The following ROBO2 variants were observed in gnomAD, a reference collection of about 807,000 sequenced individuals.
The protein encoded by ROBO2 is roundabout homolog 2.
In ROBO2, 53 loss-of-function variants were observed where a neutral mutation model predicts 160.8. The ratio of observed to expected loss-of-function variants is 0.33; its 90% CI spans 0.26 to 0.41. ROBO2 has a LOEUF of 0.41. Among genes scored for constraint, ROBO2 ranks in the 10% least tolerant of loss-of-function variants. The pLI is 1.00. For synonymous variants in ROBO2, 664 were observed against 611.7 expected (o/e 1.09, Z -1.26); for missense variants, 1,577 against 1,722.4 (o/e 0.92, Z 1.49).
intron 2 of ROBO2, among the ~76,000 whole-genome samples, chr3:76,781,141 A>T (rs1027945864): frequency 1.3e-5 from 2 of 150,696 alleles, no homozygotes; most frequent in African/African-American, 4.8e-5. Flanking sequence ...TCCTTGGTTA[A>T]ATGAATTCAT....
intron 2 of ROBO2, among the ~76,000 whole-genome samples, chr3:76,477,787 C>T (rs914582760): frequency 6.6e-6 from 1 of 151,944 alleles, no homozygotes; most frequent in African/African-American, 2.4e-5. Context: ...TCCTGCTGTT[C>T]CTTATGTCCT....
chr3:76,609,299 C>T (rs2087895927), intron 2 of ROBO2, among the ~76,000 whole-genome samples: 1 of 152,046 alleles, frequency 6.6e-6, no homozygotes, highest in South Asian at 2.1e-4. Context: ...AGTGTGATTA[C>T]TCCAGTTTTG....
At chr3:76,866,567 C>T (rs766322772) in intron 2 of ROBO2, among the ~76,000 whole-genome samples, 8 of 152,016 alleles carry the variant, frequency 5.3e-5, no homozygotes, top group Non-Finnish European at 1.2e-4. Flanking sequence ...ATAAATTCAG[C>T]ACTATCCAAG....
At chr3:76,125,357 AT>A (rs1358429619) in intron 2 of ROBO2, among the ~76,000 whole-genome samples, 1 of 152,100 alleles carries the variant, frequency 6.6e-6, no homozygotes, top group East Asian at 1.9e-4. Context: ...CTTTGAGTAT[AT>A]GCCAGTCATG....
intron 2 of ROBO2, among the ~76,000 whole-genome samples, chr3:77,034,819 A>T (rs1333316674): frequency 6.6e-6 from 1 of 152,010 alleles, no homozygotes; most frequent in Non-Finnish European, 1.5e-5. Context: ...AAATTTAATT[A>T]TACAAATTCC....
At chr3:75,953,424 G>C (rs1041262148) in intron 2 of ROBO2, among the ~76,000 whole-genome samples, 1 of 151,768 alleles carries the variant, frequency 6.6e-6, no homozygotes, top group Non-Finnish European at 1.5e-5. Context: ...TTTTAAATGA[G>C]TTGTTTTCTT....
chr3:76,553,424 C>A (rs1467734216), intron 2 of ROBO2, among the ~76,000 whole-genome samples: 1 of 151,996 alleles, frequency 6.6e-6, no homozygotes, highest in African/African-American at 2.4e-5. Context: ...TTTTAATGAC[C>A]AGAAGGTCAT....
chr3:77,245,740 A>G (rs1319506407), intron 2 of ROBO2, among the ~76,000 whole-genome samples: 1 of 152,198 alleles, frequency 6.6e-6, no homozygotes, highest in East Asian at 1.9e-4. Context: ...GATGTTTAGT[A>G]CAATGTGACT....
intron 2 of ROBO2, among the ~76,000 whole-genome samples, chr3:76,010,637 A>G (rs1162450795): frequency 6.6e-6 from 1 of 152,236 alleles, no homozygotes; most frequent in East Asian, 1.9e-4. Context: ...CTCACCTTGA[A>G]TGTGAATATG....
At chr3:77,106,427 T>C (rs1235450744) in intron 2 of ROBO2, among the ~76,000 whole-genome samples, 1 of 104,358 alleles carries the variant, frequency 9.6e-6, no homozygotes, top group African/African-American at 4.1e-5. Context: ...TAGGTTGACA[T>C]TAGCTTAGGA....
intron 2 of ROBO2, among the ~76,000 whole-genome samples, chr3:76,575,626 T>G (rs1460961077): frequency 1.3e-5 from 2 of 152,092 alleles, no homozygotes; most frequent in African/African-American, 4.8e-5. Flanking sequence ...CGACTTGTTC[T>G]CTATAGAAAG....
intron 16 of ROBO2, among the ~76,000 whole-genome samples, chr3:77,584,132 C>T (rs2153679947): frequency 6.6e-6 from 1 of 152,236 alleles, no homozygotes; most frequent in African/African-American, 2.4e-5. Context: ...GCATCACTCT[C>T]CACCATCTCC....
At chr3:77,317,253 G>C in intron 2 of ROBO2, 1 of 780,582 alleles carries the variant, frequency 1.3e-6, no homozygotes, top group Admixed American at 1.9e-5. Flanking sequence ...GCTCCCACTT[G>C]CACCCTGTCT....
intron 2 of ROBO2, among the ~76,000 whole-genome samples, chr3:76,827,250 C>G (rs532655990): frequency 6.6e-6 from 1 of 152,158 alleles, no homozygotes; most frequent in Non-Finnish European, 1.5e-5. Context: ...ACATAATTAA[C>G]TGAGTTCAGG....
chr3:76,027,273 CA>C (rs1277223575), intron 2 of ROBO2, among the ~76,000 whole-genome samples: 2 of 151,822 alleles, frequency 1.3e-5, no homozygotes, highest in Non-Finnish European at 2.9e-5. Flanking sequence ...GTACTAAAAT[CA>C]ATACAAAGAG....
chr3:77,634,694 A>G (rs996430855), intron 23 of ROBO2, 176 bp from the exon 25 acceptor site: 4 of 662,236 alleles, frequency 6.0e-6, no homozygotes, highest in Non-Finnish European at 1.0e-5. Context: ...TGAACAAAAT[A>G]TGTGCAGCTG....
intron 1 of ROBO2, among the ~76,000 whole-genome samples, chr3:75,923,673 G>A (rs145089508): frequency 1.4e-3 from 213 of 152,284 alleles, no homozygotes; most frequent in African/African-American, 4.4e-3. Context: ...GTTCAGAGGA[G>A]GAAATAAGGG....
Position 77,541,410 on chromosome 3 carries a change from G to A in ROBO2, c.935-4928G>A, listed in dbSNP as rs1018434590. Among the ~76,000 whole-genome samples, 7 of 152,174 alleles carry A rather than the reference G, an allele frequency of 4.6e-5. No individual in the cohort carries two copies. In the East Asian group the frequency reaches 5.8e-4, roughly 13 times the overall value. On this transcript the variant is annotated intron_variant, in intron 6 of 25. Transcript: ENST00000461745. ...GGCATTAGCATAACAGAGCTGCAGC[G>A]TGACTTTGATTGAAGCCAGCTTGGG...
At chr3:76,651,612 C>T (rs1193308253) in intron 2 of ROBO2, among the ~76,000 whole-genome samples, 1 of 147,220 alleles carries the variant, frequency 6.8e-6, no homozygotes, top group Non-Finnish European at 1.5e-5. Flanking sequence ...TTGCATTTGA[C>T]ATTAAAAAAA....
Sources: gnomAD v4.1 joint callset for allele counts (sites outside exome capture counted in the v4.1 genomes callset) on GRCh38, gnomAD v4.1.1 for gene constraint, MANE v1.5 for transcripts, NCBI Gene and HGNC (gene_info 2026-07-23, HGNC 2026-07-21) for gene names.